The following PCDHA5 variants were observed in gnomAD, a reference collection of about 807,000 sequenced individuals.
PCDHA5 encodes the protein protocadherin alpha-5.
A neutral mutation model predicts 61.6 loss-of-function variants in PCDHA5; 43 were observed. The observed-to-expected ratio is 0.70, with a 90% CI of 0.55 to 0.90. The LOEUF is 0.90. PCDHA5 is among the 40% of genes least tolerant of loss of function. The pLI, the probability that PCDHA5 is intolerant of heterozygous loss-of-function variation, is 0.00. For synonymous variants in PCDHA5, 627 were observed against 543.9 expected, an observed-to-expected ratio of 1.15 and a Z score of -2.13; for missense variants, 1,298 against 1,222.7, an observed-to-expected ratio of 1.06 and a Z score of -0.92.
At chr5:140,880,064 G>C (rs967410421) in intron 1 of PCDHA5, among the ~76,000 whole-genome samples, 2 of 152,148 alleles carry the variant, frequency 1.3e-5, no homozygotes, top group African/African-American at 2.4e-5. Context: ...ACTTTTTGGG[G>C]ACCACAATTC....
intron 1 of PCDHA5, chr5:140,969,383 C>G: frequency 6.3e-7 from 1 of 1,597,986 alleles, no homozygotes; most frequent in Non-Finnish European, 8.5e-7. Context: ...TGTTACACAT[C>G]CCCCAATATC....
In PCDHA5 at chr5:140,858,295, G is replaced by T. The variant is rs190932191; in HGVS notation, c.2352+34168G>T. 8.8e-5 allele frequency: 140 copies of T among 1,597,360 alleles called. 13 individuals are homozygous for T. Among genetic ancestry groups the T allele is most frequent in the African/African-American group, 2.6e-4 (19 of 74,394 alleles). The stretch of plus-strand genomic sequence containing the variant: ...GCGCGGTGGGGAGCTGGTCTTACTC[G>T]CAGCAGAGGCGGCAGAGGGTGTGTT... On this transcript the variant is annotated intron_variant, in intron 1 of 3. Transcript: ENST00000529859.
intron 1 of PCDHA5, among the ~76,000 whole-genome samples, chr5:140,888,156 A>G (rs556908449): frequency 6.6e-6 from 1 of 152,182 alleles, no homozygotes; most frequent in African/African-American, 2.4e-5. Flanking sequence ...CATGACTGGT[A>G]ATCTCTAATA....
chr5:140,871,506 A>C (rs997428507), intron 1 of PCDHA5: 2 of 1,580,864 alleles, frequency 1.3e-6, no homozygotes, highest in Admixed American at 1.8e-5. Flanking sequence ...TGAGTTTTCT[A>C]CAGATTCCAC....
At chr5:140,848,601 CCG>C (rs2040496179) in intron 1 of PCDHA5, 1 of 1,593,502 alleles carries the variant, frequency 6.3e-7, no homozygotes, top group Non-Finnish European at 8.6e-7. Flanking sequence ...CTACTCCGTC[CCG>C]GAGGAAGCCG....
At chr5:140,885,664 A>G (rs2060680895) in intron 1 of PCDHA5, among the ~76,000 whole-genome samples, 1 of 152,174 alleles carries the variant, frequency 6.6e-6, no homozygotes, top group Non-Finnish European at 1.5e-5. Context: ...ACCAGTTATG[A>G]GCACTCTTTC....
chr5:140,840,728 G>T (rs995381771), intron 1 of PCDHA5, among the ~76,000 whole-genome samples: 1 of 151,956 alleles, frequency 6.6e-6, no homozygotes, highest in Non-Finnish European at 1.5e-5. Context: ...ATAAAGAAAA[G>T]CAAAAATTTA....
At position 140,834,719 on chromosome 5, in the gene PCDHA5, G is replaced by A. The variant is rs141120342; in HGVS notation, c.2352+10592G>A. On this transcript the variant is annotated intron_variant, in intron 1 of 3. Coordinates refer to ENST00000529859, the MANE Select transcript of PCDHA5 (RefSeq NM_018908.3). ...TCCACCTGGAGGTGATCGTGGAAAG[G>A]CCGCTGCAGGTTTTCCATGTGGACG... 8.2e-5 allele frequency: 132 copies of A among 1,614,242 alleles called. No homozygotes were observed. In the African/African-American group the frequency reaches 1.7e-3, roughly 21 times the overall value.
chr5:141,000,828 G>A (rs1244334845), intron 3 of PCDHA5, among the ~76,000 whole-genome samples: 2 of 151,966 alleles, frequency 1.3e-5, no homozygotes, highest in African/African-American at 4.8e-5. Flanking sequence ...GATCACTTGA[G>A]TCCAGGAGAT....
At chr5:140,940,705 C>T (rs2092669255) in intron 1 of PCDHA5, among the ~76,000 whole-genome samples, 1 of 152,170 alleles carries the variant, frequency 6.6e-6, no homozygotes, top group Non-Finnish European at 1.5e-5. Context: ...AAGTGTATAC[C>T]TGCTGTGTGC....
Position 140,824,139 on chromosome 5 carries a change from A to G in PCDHA5, c.2352+12A>G, listed in dbSNP as rs1363809493. 8.1e-6 allele frequency: 13 copies of G among 1,612,128 alleles called. No individual in the cohort carries two copies. Among genetic ancestry groups the G allele is most frequent in the Non-Finnish European group, 1.0e-5 (12 of 1,178,274 alleles). On this transcript the variant is annotated intron_variant, in intron 1 of 3. Transcript: ENST00000529859. ...CCTCTACAGACAACGTGAGTTTTCT[A>G]ATATTAACATCCATCTTTCCCTCCC...
intron 1 of PCDHA5, chr5:140,829,780 G>A: frequency 1.2e-6 from 2 of 1,613,792 alleles, no homozygotes; most frequent in Non-Finnish European, 1.7e-6. Context: ...ACAACGCGCC[G>A]GCGCTGCTGG....
intron 3 of PCDHA5, among the ~76,000 whole-genome samples, chr5:140,993,043 A>G (rs1402138607): frequency 1.3e-5 from 2 of 152,186 alleles, no homozygotes; most frequent in Non-Finnish European, 2.9e-5. Context: ...TGTGTCATCA[A>G]GATGTCAATC....
At chr5:140,975,543 T>C (rs1276340507) in intron 1 of PCDHA5, among the ~76,000 whole-genome samples, 2 of 152,206 alleles carry the variant, frequency 1.3e-5, no homozygotes, top group African/African-American at 4.8e-5. Context: ...AATACAGTCC[T>C]ATTAGGAAGG....
At chr5:140,915,189 C>T (rs782151020) in intron 1 of PCDHA5, among the ~76,000 whole-genome samples, 21 of 152,010 alleles carry the variant, frequency 1.4e-4, no homozygotes, top group African/African-American at 4.1e-4. Context: ...CCTAGTGATC[C>T]GCCCATCTTG....
chr5:140,957,188 C>A (rs374236292), intron 1 of PCDHA5, among the ~76,000 whole-genome samples: 1 of 151,992 alleles, frequency 6.6e-6, no homozygotes, highest in Middle Eastern at 3.4e-3. Flanking sequence ...TATTGATGAC[C>A]GATTGGGAAT....
chr5:140,836,236 C>A lies in PCDHA5; in HGVS notation c.2352+12109C>A, dbSNP rs2150256110. On this transcript the variant is annotated intron_variant, in intron 1 of 3. Coordinates refer to ENST00000529859, the MANE Select transcript of PCDHA5 (RefSeq NM_018908.3). ...GAGTTGCAACCGGTGGCGGCCGGTG[C>A]GAGCATCCCGTTCCGCGTGGGGCTG... 5 of 1,613,676 alleles carry A rather than the reference C, an allele frequency of 3.1e-6. No individual in the cohort carries two copies. The East Asian group carries it at 6.7e-5, about 22-fold the overall frequency.
chr5:140,880,614 GGGA>G (rs2058396473), intron 1 of PCDHA5, among the ~76,000 whole-genome samples: 1 of 152,182 alleles, frequency 6.6e-6, no homozygotes, highest in South Asian at 2.1e-4. Context: ...GTAAGCAAGA[GGGA>G]GGAGTTAATT....
rs2150125810 is a variant in PCDHA5, at chr5:140,823,435, G to C, written c.1660G>C (p.Val554Leu). The change falls in exon 1 of 4, where the codon GTG becomes CTG. Residue 554 changes from valine to leucine, a missense_variant. Physicochemically the swap from Val to Leu is conservative, Grantham distance 32. Transcript: ENST00000529859. ...LGSNVTLQVF[V>L]LDENDNAPAL... ...CAGCAACGTGACGCTGCAGGTGTTCGTGCTGGACGAGAACGACAACGCGCC... is the reference window on the plus strand; with the variant it reads ...CAGCAACGTGACGCTGCAGGTGTTCCTGCTGGACGAGAACGACAACGCGCC... 11 of 1,613,290 alleles carry C rather than the reference G, an allele frequency of 6.8e-6. No individual in the cohort carries two copies. Among genetic ancestry groups the C allele is most frequent in the East Asian group, 2.2e-5 (1 of 44,876 alleles).
Sources: gnomAD v4.1 joint callset for allele counts (sites outside exome capture counted in the v4.1 genomes callset) on GRCh38, gnomAD v4.1.1 for gene constraint, MANE v1.5 for transcripts, NCBI Gene and HGNC (gene_info 2026-07-23, HGNC 2026-07-21) for gene names.